Variants in EIF2AK4 observed in about 807,000 individuals in gnomAD.
EIF2AK4 encodes eIF-2-alpha kinase GCN2.
A neutral mutation model predicts 211.1 loss-of-function variants in EIF2AK4; 139 were observed. That is an observed-to-expected ratio of 0.66 (90% CI 0.57 to 0.76). The LOEUF (loss-of-function observed/expected upper bound fraction) is 0.76. Ranked by LOEUF, EIF2AK4 falls within the 30% of genes least tolerant of loss-of-function variation. EIF2AK4 has a pLI of 0.00. For missense variants in EIF2AK4, 1,664 were observed against 2,043.8 expected (o/e 0.81, Z 3.58); for synonymous variants, 710 against 751.3 (o/e 0.94, Z 0.90).
intron 15 of EIF2AK4, 54 bp from the exon 16 acceptor site, chr15:39,990,219 G>A (rs1184772982): frequency 3.2e-6 from 5 of 1,549,632 alleles, no homozygotes; most frequent in Non-Finnish European, 4.4e-6. Context: ...TAGGAAGTAG[G>A]TATAACTTTA....
chr15:39,958,696 C>T (rs1225436323), intron 6 of EIF2AK4, among the ~76,000 whole-genome samples: 1 of 152,104 alleles, frequency 6.6e-6, no homozygotes, highest in Non-Finnish European at 1.5e-5. Flanking sequence ...ATTAAGGGAC[C>T]TAGAACTAGC....
intron 20 of EIF2AK4, 151 bp downstream of exon 20, chr15:39,998,935 A>T: frequency 3.1e-6 from 2 of 636,196 alleles, no homozygotes; most frequent in Admixed American, 3.4e-5. Flanking sequence ...AGCACTTAAA[A>T]TGTCATTAGA....
intron 25 of EIF2AK4, among the ~76,000 whole-genome samples, chr15:40,009,157 T>G (rs868790186): frequency 4.6e-5 from 7 of 151,918 alleles, no homozygotes; most frequent in Non-Finnish European, 5.9e-5. Context: ...AGTGATACTA[T>G]CACAGCTCAC....
At chr15:39,977,384 T>G (rs1046041088) in intron 12 of EIF2AK4, 2 of 152,476 alleles carry the variant, frequency 1.3e-5, no homozygotes, top group Admixed American at 1.3e-4. Context: ...TTCACAATAG[T>G]GTTTGCGCTC....
At chr15:40,030,718 C>A (rs2035530250) in intron 35 of EIF2AK4, among the ~76,000 whole-genome samples, 1 of 152,162 alleles carries the variant, frequency 6.6e-6, no homozygotes, top group East Asian at 1.9e-4. Flanking sequence ...ACTATCTAAT[C>A]TGGCTCTAAA....
intron 27 of EIF2AK4, among the ~76,000 whole-genome samples, chr15:40,013,940 A>G (rs2035271857): frequency 6.6e-6 from 1 of 152,260 alleles, no homozygotes; most frequent in South Asian, 2.1e-4. Context: ...CCTTCCGCCT[A>G]TGAGCCTGTA....
At chr15:39,967,969 G>A in intron 9 of EIF2AK4, 90 bp downstream of exon 9, 14 of 1,336,492 alleles carry the variant, frequency 1.0e-5, no homozygotes, top group Middle Eastern at 2.3e-4. Flanking sequence ...TGATGTGGAA[G>A]CTGAGAAGTG....
At chr15:39,994,012 C>T (rs2034986317) in intron 18 of EIF2AK4, among the ~76,000 whole-genome samples, 1 of 152,114 alleles carries the variant, frequency 6.6e-6, no homozygotes, top group Admixed American at 6.5e-5. Context: ...GAGTCCAGGG[C>T]TCAGGTTTCT....
intron 13 of EIF2AK4, among the ~76,000 whole-genome samples, chr15:39,978,760 C>G (rs1006969951): frequency 7.2e-5 from 11 of 152,104 alleles, no homozygotes; most frequent in African/African-American, 2.4e-4. Context: ...TGAGATTGTG[C>G]TGTTTTTTTA....
At chr15:39,975,038 GCCCTA>G (rs1271333252) in intron 11 of EIF2AK4, 1 of 152,092 alleles carries the variant, frequency 6.6e-6, no homozygotes, top group African/African-American at 2.4e-5. Context: ...CCCACCTCCC[GCCCTA>G]CACTGTCCTC....
At chr15:39,985,968 G>A (rs929078870) in intron 14 of EIF2AK4, 80 bp downstream of exon 14, 18 of 1,265,966 alleles carry the variant, frequency 1.4e-5, no homozygotes, top group Middle Eastern at 1.9e-4. Flanking sequence ...ATTAGAACAA[G>A]ATAATGGACA....
At chr15:39,997,273 T>G (rs989320976) in intron 19 of EIF2AK4, among the ~76,000 whole-genome samples, 14 of 152,184 alleles carry the variant, frequency 9.2e-5, no homozygotes, top group African/African-American at 3.1e-4. Flanking sequence ...GGAAGTCACC[T>G]CAGTTAAATT....
intron 5 of EIF2AK4, 45 bp downstream of exon 5, chr15:39,954,029 A>C: frequency 6.7e-7 from 1 of 1,487,062 alleles, no homozygotes; most frequent in South Asian, 1.3e-5. Context: ...TTGCAAAACA[A>C]AGTGTTTTTA....
intron 2 of EIF2AK4, 21 bp from the exon 3 acceptor site, chr15:39,943,362 T>C (rs752623164): frequency 1.4e-6 from 2 of 1,410,864 alleles, no homozygotes; most frequent in South Asian, 1.4e-5. Flanking sequence ...TTTTTTTTTT[T>C]TTTTTTTTTG....
intron 29 of EIF2AK4, among the ~76,000 whole-genome samples, chr15:40,018,126 C>T (rs2035334991): frequency 6.6e-6 from 1 of 152,036 alleles, no homozygotes; most frequent in Non-Finnish European, 1.5e-5. Flanking sequence ...CCACATCAAA[C>T]AGTGTTAAAT....
chr15:40,028,110 T>C (rs2035489566), intron 33 of EIF2AK4, among the ~76,000 whole-genome samples: 1 of 151,918 alleles, frequency 6.6e-6, no homozygotes, highest in Admixed American at 6.6e-5. Flanking sequence ...AGTCTCACTT[T>C]TGCCGAGGCT....
intron 29 of EIF2AK4, among the ~76,000 whole-genome samples, chr15:40,018,623 G>C (rs1395943756): frequency 6.6e-6 from 1 of 152,008 alleles, no homozygotes; most frequent in African/African-American, 2.4e-5. Context: ...CACCTGACCT[G>C]TAATTTTAAA....
chr15:39,984,371 TTTCCTAA>T lies in EIF2AK4; in HGVS notation c.2320-1430_2320-1424del, dbSNP rs200671139. Among the ~76,000 whole-genome samples the T allele has an allele frequency of 1.4e-3, 207 of 152,332 alleles. 3 individuals are homozygous for T. In the East Asian group the frequency reaches 0.029, roughly 21 times the overall value. Reference sequence around the variant, plus strand: ...GTCCCATATAAAATTTAAAGTAGCTTTTCCTAATTCTGTGAAGAAAGTCAATGGTAGT... The same window carrying T: ...GTCCCATATAAAATTTAAAGTAGCTTTTCTGTGAAGAAAGTCAATGGTAGT... On this transcript the variant is annotated intron_variant, in intron 13 of 38. Transcript: ENST00000263791.
intron 1 of EIF2AK4, among the ~76,000 whole-genome samples, chr15:39,936,455 C>T (rs7181860): frequency 0.13 from 19,649 of 152,074 alleles, 1,888 homozygotes; most frequent in East Asian, 0.55. Context: ...CTCTGTCGCC[C>T]GGGCTGGAGT....
Sources: allele counts gnomAD v4.1 joint callset (sites outside exome capture counted in the v4.1 genomes callset), GRCh38; gene constraint gnomAD v4.1.1; transcripts MANE v1.5; gene names NCBI Gene and HGNC (gene_info 2026-07-23, HGNC 2026-07-21).